LUZP2: variants seen among roughly 807,000 people sequenced by gnomAD.
LUZP2 encodes the protein leucine zipper protein 2.
A neutral mutation model predicts 51.6 loss-of-function variants in LUZP2; 52 were observed. That is an observed-to-expected ratio of 1.01 (90% CI 0.81 to 1.27). LUZP2 has a LOEUF of 1.27. Ranked by LOEUF, LUZP2 falls within the 50% of genes most tolerant of loss-of-function variation. The probability of loss-of-function intolerance (pLI) is 0.00; values close to 1 mark genes in which losing one functional copy is unlikely to be tolerated. For missense variants in LUZP2, 436 were observed against 395.4 expected (o/e 1.10, Z -0.87); for synonymous variants, 154 against 137.3 (o/e 1.12, Z -0.85).
intron 1 of LUZP2, among the ~76,000 whole-genome samples, chr11:24,569,456 T>G (rs1010489954): frequency 6.6e-6 from 1 of 152,056 alleles, no homozygotes; most frequent in Non-Finnish European, 1.5e-5. Flanking sequence ...GAGCCTGAGA[T>G]CTGTGTTTTC....
At chr11:24,887,383 A>C (rs1398552376) in intron 5 of LUZP2, among the ~76,000 whole-genome samples, 1 of 152,232 alleles carries the variant, frequency 6.6e-6, no homozygotes, top group Non-Finnish European at 1.5e-5. Flanking sequence ...CAGCAAGCAC[A>C]TGGCAACTGG....
chr11:24,664,246 G>C (rs1856135054), intron 1 of LUZP2, among the ~76,000 whole-genome samples: 1 of 152,152 alleles, frequency 6.6e-6, no homozygotes, highest in Non-Finnish European at 1.5e-5. Flanking sequence ...CTTTAGCAAA[G>C]AGACTGGCAG....
At chr11:24,497,448 C>T in intron 1 of LUZP2, 143 bp downstream of exon 1, 1 of 496,746 alleles carries the variant, frequency 2.0e-6, no homozygotes, top group Non-Finnish European at 3.3e-6. Flanking sequence ...ATGGTTTGGG[C>T]TCTGAAATCC....
rs1228666407 is a variant in LUZP2 at position 24,661,312 on chromosome 11, T to G, written c.63-67857T>G. On this transcript the variant is annotated intron_variant, in intron 1 of 11. Transcript: ENST00000336930. ...ATCTTGAGCTATTCTGCCTCATTGC[T>G]ATGTGATTGCTAATTGGAAAAAGAA... Among the ~76,000 whole-genome samples the G allele has an allele frequency of 2.0e-5, 3 of 152,228 alleles. 1 individual carries two copies. Among genetic ancestry groups the G allele is most frequent in the Admixed American group, 6.5e-5 (1 of 15,280 alleles).
chr11:24,835,056 C>G (rs984777742), intron 5 of LUZP2, among the ~76,000 whole-genome samples: 1 of 152,084 alleles, frequency 6.6e-6, no homozygotes, highest in African/African-American at 2.4e-5. Flanking sequence ...CCTGTTCACT[C>G]TATACCACAA....
At chr11:24,984,085 T>C (rs929892743) in intron 9 of LUZP2, among the ~76,000 whole-genome samples, 10 of 151,812 alleles carry the variant, frequency 6.6e-5, no homozygotes, top group Non-Finnish European at 1.2e-4. Context: ...TTGGGCAGTA[T>C]GTTGGAAAGA....
intron 1 of LUZP2, among the ~76,000 whole-genome samples, chr11:24,612,180 G>A (rs76583408): frequency 0.026 from 3,924 of 152,130 alleles, 172 homozygotes; most frequent in African/African-American, 0.09. Context: ...GATGGCACAG[G>A]GTTAAAGGGA....
At chr11:24,605,330 TA>T (rs1386382242) in intron 1 of LUZP2, among the ~76,000 whole-genome samples, 6 of 151,748 alleles carry the variant, frequency 4.0e-5, no homozygotes, top group South Asian at 2.1e-4. Flanking sequence ...AAAAGAATGA[TA>T]AAAAATTCTG....
At chr11:24,533,978 G>C (rs540811560) in intron 1 of LUZP2, among the ~76,000 whole-genome samples, 2 of 151,180 alleles carry the variant, frequency 1.3e-5, no homozygotes, top group Admixed American at 1.3e-4. Context: ...CACTCCTTAG[G>C]CTCCTTTAAA....
At chr11:24,503,463 A>G (rs965472781) in intron 1 of LUZP2, among the ~76,000 whole-genome samples, 1 of 152,210 alleles carries the variant, frequency 6.6e-6, no homozygotes, top group Non-Finnish European at 1.5e-5. Context: ...CACCCAAGTA[A>G]ACAGTGTTCT....
intron 7 of LUZP2, among the ~76,000 whole-genome samples, chr11:24,918,451 A>T (rs191673330): frequency 2.0e-5 from 3 of 152,038 alleles, no homozygotes; most frequent in Non-Finnish European, 2.9e-5. Flanking sequence ...TTGCCGATTC[A>T]GTAGGTTTGC....
chr11:24,608,408 C>T lies in LUZP2; in HGVS notation c.62+111103C>T, dbSNP rs115960750. ...TGTTATGTTTAAAGTAATAATTTAACGAACCATGAATTGTAATGGTTTAGA... is the reference window on the plus strand; with the variant it reads ...TGTTATGTTTAAAGTAATAATTTAATGAACCATGAATTGTAATGGTTTAGA... On this transcript the variant is annotated intron_variant, in intron 1 of 11. Transcript: ENST00000336930. 3.5e-3 allele frequency among the ~76,000 whole-genome samples: 529 copies of T among 152,190 alleles called. 5 individuals are homozygous for T. The highest frequency in any genetic ancestry group is 0.012 in the African/African-American group (497 of 41,522).
intron 5 of LUZP2, among the ~76,000 whole-genome samples, chr11:24,791,794 A>G (rs1403868279): frequency 6.6e-6 from 1 of 152,154 alleles, no homozygotes; most frequent in Non-Finnish European, 1.5e-5. Context: ...CCTGTTATTT[A>G]CAGAGTTTTG....
At chr11:24,629,455 G>GCATTATA (rs1385498001) in intron 1 of LUZP2, among the ~76,000 whole-genome samples, 2 of 146,118 alleles carry the variant, frequency 1.4e-5, no homozygotes, top group African/African-American at 5.0e-5. Context: ...ATATATATAT[G>GCATTATA]CATTATACAT....
At chr11:24,803,187 A>T (rs1849743614) in intron 5 of LUZP2, among the ~76,000 whole-genome samples, 1 of 152,054 alleles carries the variant, frequency 6.6e-6, no homozygotes, top group Non-Finnish European at 1.5e-5. Context: ...CCAAAATCTG[A>T]TTCAAAAATG....
At chr11:24,560,581 T>C (rs2133770797) in intron 1 of LUZP2, among the ~76,000 whole-genome samples, 2 of 152,158 alleles carry the variant, frequency 1.3e-5, no homozygotes, top group African/African-American at 2.4e-5. Flanking sequence ...AAAGAACACA[T>C]AGGTAGCTTG....
intron 9 of LUZP2, among the ~76,000 whole-genome samples, chr11:25,020,780 G>A (rs2133973871): frequency 8.8e-6 from 1 of 113,426 alleles, no homozygotes; most frequent in East Asian, 2.0e-4. Flanking sequence ...TTTACTTGGG[G>A]TCTAATTTAA....
At chr11:24,846,043 A>G (rs1179679053) in intron 5 of LUZP2, among the ~76,000 whole-genome samples, 1 of 152,108 alleles carries the variant, frequency 6.6e-6, no homozygotes, top group East Asian at 1.9e-4. Flanking sequence ...GCATCCATTC[A>G]ACGCAGGCAA....
intron 1 of LUZP2, among the ~76,000 whole-genome samples, chr11:24,597,026 A>C (rs2133853828): frequency 6.6e-6 from 1 of 152,320 alleles, no homozygotes; most frequent in South Asian, 2.1e-4. Context: ...AGCTTGTTTT[A>C]GGGATGAAGT....
Sources: gnomAD v4.1 joint callset for allele counts (sites outside exome capture counted in the v4.1 genomes callset) on GRCh38, gnomAD v4.1.1 for gene constraint, MANE v1.5 for transcripts, NCBI Gene and HGNC (gene_info 2026-07-23, HGNC 2026-07-21) for gene names.